SNX19: variants seen among roughly 807,000 people sequenced by gnomAD.
The protein encoded by SNX19 is sorting nexin 19, also known as sorting nexin-19.
Under a neutral mutation model 85.2 loss-of-function variants are expected in SNX19, and 60 were observed. That is an observed-to-expected ratio of 0.70 (90% CI 0.57 to 0.87). The LOEUF is 0.87. Among genes scored for constraint, SNX19 ranks in the 40% least tolerant of loss-of-function variants. SNX19 has a pLI of 0.00. For missense variants in SNX19, 1,201 were observed against 1,217.8 expected (o/e 0.99, Z 0.21); for synonymous variants, 520 against 470.0 (o/e 1.11, Z -1.38).
At chr11:130,892,229 C>T (rs4447183) in intron 8 of SNX19, among the ~76,000 whole-genome samples, 89,483 of 149,484 alleles carry the variant, frequency 0.6, 27,169 homozygotes, top group South Asian at 0.73. Context: ...TATGTTGCTA[C>T]CGACATACTA....
rs1565559282 is a variant in SNX19 at position 130,915,347 on chromosome 11, G to A, written c.593C>T (p.Pro198Leu). 1.2e-6 allele frequency: 2 copies of A among 1,614,176 alleles called. No individual in the cohort carries two copies. The highest frequency in any genetic ancestry group is 2.7e-5 in the African/African-American group (2 of 75,072). ...LWEAYCRATA[P>L]HPAVHSPSAE... ...ACTGGGGCTGTGCACAGCAGGATGT[G>A]GGGCAGTCGCCCGGCAGTAAGCCTC... Residue 198 changes from proline (P) to leucine (L), a missense_variant, in exon 1 of 11, where the codon CCA (proline) becomes CTA (leucine). Physicochemically the swap from Pro to Leu is moderately conservative, Grantham distance 98 (BLOSUM62 -3). Around this residue, in one of 3 missense-constraint regions of SNX19, gnomAD observed 791 missense variants for 750.9 expected, o/e 1.05. Transcript: ENST00000265909.
At position 130,873,375 on chromosome 11, in the gene SNX19, T is replaced by G. The variant is rs960224636; in HGVS notation, c.*5047A>C. 2.0e-5 allele frequency among the ~76,000 whole-genome samples: 3 copies of G among 152,196 alleles called. No individual in the cohort carries two copies. Among genetic ancestry groups the G allele is most frequent in the Non-Finnish European group, 4.4e-5 (3 of 68,030 alleles). The stretch of plus-strand genomic sequence containing the variant: ...TCTCCAGACCTTTACAGAGAAAGTT[T>G]GCTGGCTCCTATACTAGACTGTAGA... On this transcript the variant is annotated 3_prime_UTR_variant, in exon 11 of 11. Coordinates refer to ENST00000265909, the MANE Select transcript of SNX19 (RefSeq NM_014758.3).
Position 130,887,277 on chromosome 11 carries a change from C to CA in SNX19, c.2574-6472dup, listed in dbSNP as rs200673099. On this transcript the variant is annotated intron_variant, in intron 8 of 10. Transcript: ENST00000265909. ...GGAAGGATTCTTAAGGAAGGAACTTCAAAAAATCATCTGTTCAACCTTAGT... is the reference window on the plus strand; with the variant it reads ...GGAAGGATTCTTAAGGAAGGAACTTCAAAAAAATCATCTGTTCAACCTTAGT... Among the ~76,000 whole-genome samples, 1,187 of 152,278 alleles carry CA rather than the reference C, an allele frequency of 7.8e-3. 17 individuals carry two copies. Among genetic ancestry groups the CA allele is most frequent in the African/African-American group, 0.027 (1,134 of 41,562 alleles).
At position 130,870,830 on chromosome 11, in the gene SNX19, G is replaced by GC. The variant is rs1942998228; in HGVS notation, c.*7591_*7592insG. ...ACTAGGTATATACATATAGTTGGGG[G>GC]GGGGGCATAAGGACATAATAGGACT... On this transcript the variant is annotated 3_prime_UTR_variant, in exon 11 of 11. Coordinates refer to ENST00000265909, the MANE Select transcript of SNX19 (RefSeq NM_014758.3). Among the ~76,000 whole-genome samples the GC allele has an allele frequency of 6.6e-6, 1 of 151,606 alleles. No individual in the cohort carries two copies. The highest frequency in any genetic ancestry group is 2.4e-5 in the African/African-American group (1 of 41,150).
At chr11:130,880,517 C>T (rs914130010) in intron 9 of SNX19, 105 bp downstream of exon 9, 21 of 1,021,674 alleles carry the variant, frequency 2.1e-5, no homozygotes, top group Middle Eastern at 3.5e-4. Flanking sequence ...AATCTAGCCA[C>T]ATTCAGGGCC....
rs1162709603 is a variant in SNX19 at position 130,870,621 on chromosome 11, C to T, written c.*7801G>A. On this transcript the variant is annotated 3_prime_UTR_variant, in exon 11 of 11. Transcript: ENST00000265909. ...ACGGTGGTTTCTCCACATATCTTCA[C>T]CCTTCAAGCCTTTCCATAAAAGTCA... 6.6e-6 allele frequency among the ~76,000 whole-genome samples: 1 copy of T among 152,186 alleles called. No individual in the cohort carries two copies. The highest frequency in any genetic ancestry group is 1.9e-4 in the East Asian group (1 of 5,192).
At chr11:130,883,197 A>T (rs1261523333) in intron 8 of SNX19, among the ~76,000 whole-genome samples, 1 of 152,220 alleles carries the variant, frequency 6.6e-6, no homozygotes, top group Non-Finnish European at 1.5e-5. Flanking sequence ...TCAGACTCTA[A>T]ATGGAAATGT....
Position 130,911,702 on chromosome 11 carries a change from G to A in SNX19, c.1744C>T (p.Arg582Cys), listed in dbSNP as rs1432679772. The stretch of plus-strand genomic sequence containing the variant: ...TGCAGATTCAAGAACTCCCGATAGC[G>A]ACGATTCACAGTGTGGTAGGCCAGC... ...QQLAYHTVNRRYREFLNLQTR... is the reference protein window; with the variant it reads ...QQLAYHTVNRCYREFLNLQTR... The change falls in exon 2 of 11, where the codon CGC (arginine) becomes TGC (cysteine). Residue 582 changes from arginine to cysteine, a missense_variant. Physicochemically the swap from Arg to Cys is radical, Grantham distance 180. This residue lies in a region of SNX19 where 791 missense variants were observed against 750.9 expected (regional missense o/e 1.05). Coordinates refer to ENST00000265909, the MANE Select transcript of SNX19 (RefSeq NM_014758.3). The A allele has an allele frequency of 6.2e-7, 1 of 1,614,150 alleles. No homozygotes were observed. Among genetic ancestry groups the A allele is most frequent in the Non-Finnish European group, 8.5e-7 (1 of 1,180,018 alleles).
rs927579413 is a variant in SNX19, at chr11:130,870,574, G to T, written c.*7848C>A. 2.0e-5 allele frequency among the ~76,000 whole-genome samples: 3 copies of T among 152,224 alleles called. No individual in the cohort carries two copies. Among genetic ancestry groups the T allele is most frequent in the Non-Finnish European group, 4.4e-5 (3 of 68,048 alleles). Reference sequence around the variant, plus strand: ...TAGCCAGTGCCCTCCACTGGAATAAGTGGTTAATCTCAAAGAGGTTTACGG... The same window carrying T: ...TAGCCAGTGCCCTCCACTGGAATAATTGGTTAATCTCAAAGAGGTTTACGG... On this transcript the variant is annotated 3_prime_UTR_variant, in exon 11 of 11. Transcript: ENST00000265909.
At chr11:130,880,578 A>T in intron 9 of SNX19, 44 bp downstream of exon 9, 1 of 1,509,044 alleles carries the variant, frequency 6.6e-7, no homozygotes, top group Non-Finnish European at 9.0e-7. Context: ...AGCAGAATGG[A>T]AGAGAAATGT....
chr11:130,887,622 C>G lies in SNX19; in HGVS notation c.2574-6816G>C, dbSNP rs567639889. ...AGATGCTTCTTAAACCTTGCCAACCCAAATCGGCCTCCTTGTGTTAATGAA... is the reference window on the plus strand; with the variant it reads ...AGATGCTTCTTAAACCTTGCCAACCGAAATCGGCCTCCTTGTGTTAATGAA... On this transcript the variant is annotated intron_variant, in intron 8 of 10. Transcript: ENST00000265909. Among the ~76,000 whole-genome samples the G allele has an allele frequency of 2.0e-5, 3 of 152,312 alleles. No homozygotes were observed. The South Asian group carries it at 6.2e-4, about 32-fold the overall frequency.
Position 130,915,467 on chromosome 11 carries a change from A to G in SNX19, c.473T>C (p.Val158Ala), listed in dbSNP as rs779291435. The change falls in exon 1 of 11, where the codon GTT (valine) becomes GCT (alanine). Residue 158 changes from valine to alanine, a missense_variant. Val to Ala is a moderately conservative substitution (Grantham distance 64). Coordinates refer to ENST00000265909, the MANE Select transcript of SNX19 (RefSeq NM_014758.3). ...CAGGTGACAACCGCAGAGAGTCAGA[A>G]CACTCTGGGCAACAGCATGACTGTC... Reference protein sequence around the residue: ...VMDSHAVAQSVLTLCGCHLQS... With the variant: ...VMDSHAVAQSALTLCGCHLQS... 1 of 1,614,022 alleles carries G rather than the reference A, an allele frequency of 6.2e-7. No homozygotes were observed. The highest frequency in any genetic ancestry group is 1.3e-5 in the African/African-American group (1 of 74,928).
At chr11:130,889,059 C>T (rs1055858370) in intron 8 of SNX19, among the ~76,000 whole-genome samples, 4 of 152,164 alleles carry the variant, frequency 2.6e-5, no homozygotes, top group Admixed American at 6.5e-5. Flanking sequence ...AAACAATTAC[C>T]TACATATATT....
intron 8 of SNX19, among the ~76,000 whole-genome samples, chr11:130,896,347 T>C (rs11822734): frequency 0.058 from 8,775 of 152,266 alleles, 836 homozygotes; most frequent in African/African-American, 0.2. Flanking sequence ...AGCATATAAA[T>C]AGAGATAGCT....
rs138071723 is a variant in SNX19 at position 130,869,223 on chromosome 11, C to T, written c.*9199G>A. ...TCAAAATGAAGACAGCTGTGTATGT[C>T]TCAGTCAAGCTGTGCGGGTCCAGCC... On this transcript the variant is annotated 3_prime_UTR_variant, in exon 11 of 11. Coordinates refer to ENST00000265909, the MANE Select transcript of SNX19 (RefSeq NM_014758.3). 30 of 152,326 alleles carry T rather than the reference C, an allele frequency of 2.0e-4. No homozygotes were observed. In the East Asian group the frequency reaches 5.8e-3, roughly 29 times the overall value. 9.4% of individuals were successfully genotyped at this position (152,326 alleles called of 1,614,324 possible).
intron 4 of SNX19, 53 bp downstream of exon 4, chr11:130,909,965 C>A (rs1291697423): frequency 1.9e-6 from 3 of 1,606,426 alleles, no homozygotes; most frequent in Non-Finnish European, 2.5e-6. Flanking sequence ...TCTGATGAAT[C>A]CTCCCCATTT....
intron 7 of SNX19, 57 bp downstream of exon 7, chr11:130,905,895 AC>A: frequency 6.2e-7 from 1 of 1,613,710 alleles, no homozygotes; most frequent in Non-Finnish European, 8.5e-7. Context: ...TACCCCAAGT[AC>A]CAAGTGGATG....
At position 130,866,989 on chromosome 11, in the gene SNX19, A is replaced by G. The variant is rs1017441004; in HGVS notation, c.*11433T>C. On this transcript the variant is annotated 3_prime_UTR_variant, in exon 11 of 11. Transcript: ENST00000265909. Reference sequence around the variant, plus strand: ...CTCTATTCTTATGAGCATTTAATGGACAAGGAAACTAAGCCACAGAGGTGT... The same window carrying G: ...CTCTATTCTTATGAGCATTTAATGGGCAAGGAAACTAAGCCACAGAGGTGT... The G allele has an allele frequency of 6.6e-6, 1 of 152,172 alleles. No individual in the cohort carries two copies. The highest frequency in any genetic ancestry group is 1.5e-5 in the Non-Finnish European group (1 of 68,054). 9.4% of individuals were successfully genotyped at this position (152,172 alleles called of 1,614,324 possible).
rs1943053103 is a variant in SNX19 at position 130,872,210 on chromosome 11, A to T, written c.*6212T>A. Among the ~76,000 whole-genome samples, 1 of 152,176 alleles carries T rather than the reference A, an allele frequency of 6.6e-6. No homozygotes were observed. The highest frequency in any genetic ancestry group is 2.1e-4 in the South Asian group (1 of 4,822). On this transcript the variant is annotated 3_prime_UTR_variant, in exon 11 of 11. Coordinates refer to ENST00000265909, the MANE Select transcript of SNX19 (RefSeq NM_014758.3). ...TCACATGCTTGTTTCTGCCTCCAAG[A>T]AAGCAGAGTTAAAATGGACTTTCAG... is the stretch of plus-strand genomic sequence containing the variant.
Sources: gnomAD v4.1 joint callset for allele counts (sites outside exome capture counted in the v4.1 genomes callset) on GRCh38, gnomAD v4.1.1 for gene constraint, gnomAD v4.1.1 regional missense constraint, MANE v1.5 for transcripts, NCBI Gene and HGNC (gene_info 2026-07-23, HGNC 2026-07-21) for gene names.